The following TCF7L2 variants were observed in gnomAD, a reference collection of about 807,000 sequenced individuals.
TCF7L2 encodes transcription factor 7-like 2.
A neutral mutation model predicts 77.9 loss-of-function variants in TCF7L2; 23 were observed. The observed-to-expected ratio is 0.30, with a 90% confidence interval of 0.21 to 0.42. The LOEUF (loss-of-function observed/expected upper bound fraction) is 0.42. TCF7L2 is among the 10% of genes least tolerant of loss of function. The pLI is 1.00. For synonymous variants in TCF7L2, 413 were observed against 340.2 expected (o/e 1.21, Z -2.36); for missense variants, 654 against 793.1 (o/e 0.82, Z 2.11).
intron 4 of TCF7L2, among the ~76,000 whole-genome samples, chr10:113,014,034 G>T (rs946736421): frequency 4.6e-5 from 7 of 152,180 alleles, no homozygotes; most frequent in African/African-American, 1.7e-4. Flanking sequence ...GGGTCCCTGC[G>T]CTGTCTCAAA....
chr10:112,985,466 C>A (rs1036182053), intron 4 of TCF7L2, among the ~76,000 whole-genome samples: 1 of 151,526 alleles, frequency 6.6e-6, no homozygotes, highest in Admixed American at 6.5e-5. Flanking sequence ...GATTTTCTTT[C>A]TTTTTTCTTG....
intron 5 of TCF7L2, among the ~76,000 whole-genome samples, chr10:113,094,043 T>C (rs1253604127): frequency 1.3e-5 from 2 of 152,262 alleles, no homozygotes; most frequent in African/African-American, 4.8e-5. Flanking sequence ...ACCCTTTTGC[T>C]GGTGTTGAGC....
intron 11 of TCF7L2, among the ~76,000 whole-genome samples, chr10:113,154,597 G>C (rs2071453619): frequency 6.6e-6 from 1 of 152,172 alleles, no homozygotes; most frequent in African/African-American, 2.4e-5. Context: ...GACTGTGATA[G>C]CTTCAAAAGA....
intron 3 of TCF7L2, among the ~76,000 whole-genome samples, chr10:112,959,354 C>T (rs2034482020): frequency 2.0e-5 from 3 of 151,992 alleles, no homozygotes; most frequent in South Asian, 2.1e-4. Context: ...TAGGTGGATA[C>T]GTATAGAAGC....
intron 13 of TCF7L2, chr10:113,160,743 G>T (rs2073033340): frequency 1.2e-5 from 18 of 1,507,510 alleles, no homozygotes; most frequent in Non-Finnish European, 1.5e-5. Context: ...CTGTCCTTCC[G>T]GTACCTTAGC....
At chr10:113,119,765 T>C (rs151304336) in intron 5 of TCF7L2, among the ~76,000 whole-genome samples, 92 of 152,244 alleles carry the variant, frequency 6.0e-4, no homozygotes, top group Middle Eastern at 3.4e-3. Flanking sequence ...TGTATAATTA[T>C]GGATTGGATT....
At chr10:113,063,520 G>A (rs2056804499) in intron 5 of TCF7L2, among the ~76,000 whole-genome samples, 1 of 152,132 alleles carries the variant, frequency 6.6e-6, no homozygotes. Flanking sequence ...AGTGAGGGAT[G>A]GAGAGGAGAG....
chr10:113,154,231 T>C (rs2071372760), intron 11 of TCF7L2, among the ~76,000 whole-genome samples: 1 of 152,152 alleles, frequency 6.6e-6, no homozygotes, highest in Admixed American at 6.5e-5. Context: ...CACCTGACCC[T>C]GAGGTGGAGA....
chr10:113,077,740 G>A (rs1309664132), intron 5 of TCF7L2, among the ~76,000 whole-genome samples: 4 of 139,284 alleles, frequency 2.9e-5, no homozygotes, highest in East Asian at 2.1e-4. Context: ...TTGCTGTGTC[G>A]CCCAGGCTGG....
chr10:113,048,229 G>A (rs2134459544), intron 5 of TCF7L2, among the ~76,000 whole-genome samples: 1 of 152,256 alleles, frequency 6.6e-6, no homozygotes, highest in East Asian at 1.9e-4. Context: ...TACACTCATG[G>A]TTTTGACTAT....
At chr10:113,117,722 A>C (rs1446374825) in intron 5 of TCF7L2, among the ~76,000 whole-genome samples, 1 of 152,122 alleles carries the variant, frequency 6.6e-6, no homozygotes, top group Non-Finnish European at 1.5e-5. Context: ...TTGTTTAGAC[A>C]TTTTTTGTCT....
chr10:113,157,843 A>AC, intron 11 of TCF7L2, 178 bp from the exon 12 acceptor site: 1 of 598,280 alleles, frequency 1.7e-6, no homozygotes, highest in Non-Finnish European at 3.0e-6. Context: ...CAGCTGGGGT[A>AC]CAATGCAAGG....
chr10:112,963,269 A>G (rs1159196560), intron 3 of TCF7L2, among the ~76,000 whole-genome samples: 1 of 152,160 alleles, frequency 6.6e-6, no homozygotes, highest in Non-Finnish European at 1.5e-5. Context: ...AGTTAGTTCA[A>G]AAGTTCTTAT....
At chr10:113,044,696 G>T (rs1167644023) in intron 5 of TCF7L2, among the ~76,000 whole-genome samples, 3 of 152,220 alleles carry the variant, frequency 2.0e-5, no homozygotes, top group Non-Finnish European at 4.4e-5. Context: ...AGATCTGAAG[G>T]CTTGATTGGG....
intron 5 of TCF7L2, among the ~76,000 whole-genome samples, chr10:113,058,148 C>T (rs1341683877): frequency 6.6e-6 from 1 of 152,176 alleles, no homozygotes; most frequent in Non-Finnish European, 1.5e-5. Flanking sequence ...ACCTTTGGCC[C>T]CTAGGGATTC....
chr10:113,090,691 A>G (rs1274316493), intron 5 of TCF7L2, among the ~76,000 whole-genome samples: 2 of 152,150 alleles, frequency 1.3e-5, no homozygotes, highest in Admixed American at 6.5e-5. Context: ...GCTCACTGCA[A>G]CTTCTGCCTC....
At position 113,102,117 on chromosome 10, in the gene TCF7L2, A is replaced by C. The variant is rs867667975; in HGVS notation, c.553-39067A>C. Among the ~76,000 whole-genome samples the C allele has an allele frequency of 4.6e-3, 558 of 120,388 alleles. 7 individuals are homozygous for C. Among genetic ancestry groups the C allele is most frequent in the Admixed American group, 6.8e-3 (86 of 12,600 alleles). 79.0% of individuals were successfully genotyped at this position (120,388 alleles called of 152,430 possible). A position where few individuals can be genotyped will look rare whatever the true frequency, so the allele number is the denominator to read the frequency against. On this transcript the variant is annotated intron_variant, in intron 5 of 13. Coordinates refer to ENST00000627217, the MANE Select transcript of TCF7L2 (RefSeq NM_001146274.2). Reference sequence around the variant, plus strand: ...TGACAGAGCGTGACTCCATCAAAAAAAAAAAAAAAAAAAAAAAAAAAAAAA... The same window carrying C: ...TGACAGAGCGTGACTCCATCAAAAACAAAAAAAAAAAAAAAAAAAAAAAAA...
chr10:113,037,060 A>G lies in TCF7L2; in HGVS notation c.451-2965A>G, dbSNP rs145142752. On this transcript the variant is annotated intron_variant, in intron 4 of 13. Transcript: ENST00000627217. ...CCAGGAAGGAAAAAAATTTTCCTCT[A>G]GGCTGTAATAGTACCTAATTTCCTT... is the stretch of plus-strand genomic sequence containing the variant. 8.5e-5 allele frequency among the ~76,000 whole-genome samples: 13 copies of G among 152,312 alleles called. No homozygotes were observed. The East Asian group carries it at 1.9e-3, about 23-fold the overall frequency.
chr10:113,009,110 A>T (rs530500213), intron 4 of TCF7L2, among the ~76,000 whole-genome samples: 2 of 152,150 alleles, frequency 1.3e-5, no homozygotes, highest in East Asian at 3.9e-4. Flanking sequence ...TAATTTTTAA[A>T]TTTTTTGAAG....
Sources: allele counts gnomAD v4.1 joint callset (sites outside exome capture counted in the v4.1 genomes callset), GRCh38; gene constraint gnomAD v4.1.1; transcripts MANE v1.5; gene names NCBI Gene and HGNC (gene_info 2026-07-23, HGNC 2026-07-21).